Variants in FYB2 observed in about 807,000 individuals in gnomAD.
The protein encoded by FYB2 is FYN binding protein 2, also known as FYN-binding protein 2.
Under a neutral mutation model 94.1 loss-of-function variants are expected in FYB2, and 103 were observed. The ratio of observed to expected loss-of-function variants is 1.09; its 90% confidence interval spans 0.93 to 1.29. FYB2 has a LOEUF of 1.29. FYB2 is among the 50% of genes most tolerant of loss of function. FYB2 has a pLI of 0.00. For missense variants in FYB2, 896 were observed against 841.5 expected, an observed-to-expected ratio of 1.06 and a Z score of -0.80; for synonymous variants, 293 against 287.9, an observed-to-expected ratio of 1.02 and a Z score of -0.18.
At chr1:56,752,443 G>A (rs992157753) in intron 8 of FYB2, among the ~76,000 whole-genome samples, 1 of 152,058 alleles carries the variant, frequency 6.6e-6, no homozygotes, top group African/African-American at 2.4e-5. Flanking sequence ...TAATACATTT[G>A]AAAGTACTTG....
chr1:56,792,654 T>A lies in FYB2; in HGVS notation c.159A>T (p.Lys53Asn). ...GCTGCTTGTGGTTGGATGAGAGGGGTTTCCCATTGGCCAAAATTTGAGTTG... is the reference window on the plus strand; with the variant it reads ...GCTGCTTGTGGTTGGATGAGAGGGGATTCCCATTGGCCAAAATTTGAGTTG... ...TQSTQILANGKPLSSNHKQRT... is the reference protein window; with the variant it reads ...TQSTQILANGNPLSSNHKQRT... Residue 53 changes from lysine (K) to asparagine (N), a missense_variant, in exon 2 of 20, where the codon AAA becomes AAT. By Grantham distance (94) the Lys-to-Asn change is moderately conservative. Coordinates refer to ENST00000343433, the MANE Select transcript of FYB2 (RefSeq NM_001004303.5). 6.2e-7 allele frequency: 1 copy of A among 1,613,932 alleles called. No individual in the cohort carries two copies. Among genetic ancestry groups the A allele is most frequent in the South Asian group, 1.1e-5 (1 of 91,050 alleles).
At chr1:56,741,300 A>G (rs1644947136) in intron 12 of FYB2, among the ~76,000 whole-genome samples, 2 of 152,024 alleles carry the variant, frequency 1.3e-5, no homozygotes, top group Non-Finnish European at 2.9e-5. Flanking sequence ...AGTAATCTCT[A>G]TTTTGCAGAT....
At chr1:56,756,845 T>G (rs1016231979) in intron 6 of FYB2, among the ~76,000 whole-genome samples, 3 of 151,962 alleles carry the variant, frequency 2.0e-5, no homozygotes, top group African/African-American at 4.8e-5. Context: ...TTTGACCACA[T>G]GAAAAACTCA....
At chr1:56,736,424 CTTT>C (rs59242700) in intron 15 of FYB2, among the ~76,000 whole-genome samples, 5 of 119,984 alleles carry the variant, frequency 4.2e-5, no homozygotes, top group East Asian at 2.4e-4. Context: ...TTAAGGATGG[CTTT>C]TTTTTTTTTT....
intron 9 of FYB2, among the ~76,000 whole-genome samples, chr1:56,749,987 T>A (rs946661522): frequency 3.2e-4 from 49 of 152,018 alleles, no homozygotes; most frequent in African/African-American, 1.2e-3. Flanking sequence ...TCCACCATAT[T>A]TTTAGACACT....
chr1:56,775,466 A>T (rs1382466219), intron 4 of FYB2, among the ~76,000 whole-genome samples: 5 of 152,258 alleles, frequency 3.3e-5, no homozygotes, highest in East Asian at 3.9e-4. Flanking sequence ...AAGGCATGTA[A>T]ATCATAATAA....
chr1:56,791,221 G>T (rs890311856), intron 2 of FYB2, among the ~76,000 whole-genome samples: 2 of 151,538 alleles, frequency 1.3e-5, no homozygotes, highest in African/African-American at 4.8e-5. Flanking sequence ...TTTTCTTCTA[G>T]GTGCTAGGGA....
intron 4 of FYB2, among the ~76,000 whole-genome samples, chr1:56,771,587 T>C (rs1053460958): frequency 6.6e-6 from 1 of 152,302 alleles, no homozygotes; most frequent in Middle Eastern, 3.4e-3. Context: ...CCATTTGCTA[T>C]AGATGCAGTT....
At chr1:56,780,718 G>T (rs1645989235) in intron 4 of FYB2, among the ~76,000 whole-genome samples, 1 of 152,118 alleles carries the variant, frequency 6.6e-6, no homozygotes, top group African/African-American at 2.4e-5. Context: ...TTATAGGTGA[G>T]ATTTTTTTTT....
At chr1:56,789,201 G>A (rs1414170894) in intron 2 of FYB2, 67 bp from the exon 3 acceptor site, 4 of 1,501,956 alleles carry the variant, frequency 2.7e-6, no homozygotes, top group African/African-American at 1.4e-5. Flanking sequence ...GGGTAAAACT[G>A]GTTTCCTTGC....
chr1:56,731,307 T>A (rs1477792337), intron 15 of FYB2, among the ~76,000 whole-genome samples: 2 of 152,100 alleles, frequency 1.3e-5, no homozygotes, highest in East Asian at 3.9e-4. Flanking sequence ...TAGTTACCCT[T>A]AGCCTTGATG....
intron 17 of FYB2, 68 bp downstream of exon 17, chr1:56,723,520 A>G (rs1644527058): frequency 1.2e-6 from 1 of 838,840 alleles, no homozygotes; most frequent in Non-Finnish European, 1.8e-6. Flanking sequence ...ATACTTACAG[A>G]TTTTTTTTTT....
At chr1:56,824,692 C>G (rs957753862), upstream of FYB2, 3 of 152,248 alleles carry the variant, frequency 2.0e-5, no homozygotes, top group Non-Finnish European at 4.4e-5. Context: ...CTTTGTCATC[C>G]TGAAAGCAGC....
intron 1 of FYB2, among the ~76,000 whole-genome samples, chr1:56,798,465 A>G (rs1646450283): frequency 6.6e-6 from 1 of 152,170 alleles, no homozygotes; most frequent in African/African-American, 2.4e-5. Context: ...GCCAACAAAA[A>G]CAAAGACATT....
In FYB2 at chr1:56,718,871, C is replaced by T. The variant is rs999912855; in HGVS notation, c.*800G>A. The T allele has an allele frequency of 2.6e-5, 4 of 152,496 alleles. No individual in the cohort carries two copies. Among genetic ancestry groups the T allele is most frequent in the Admixed American group, 6.6e-5 (1 of 15,254 alleles). 9.4% of individuals were successfully genotyped at this position (152,496 alleles called of 1,614,324 possible). ...CTCATTTAAAAAACAGAATAGATGTCAGCTTTTAAATTTTTATTTAATTCC... is the reference window on the plus strand; with the variant it reads ...CTCATTTAAAAAACAGAATAGATGTTAGCTTTTAAATTTTTATTTAATTCC... On this transcript the variant is annotated 3_prime_UTR_variant, in exon 20 of 20. Coordinates refer to ENST00000343433, the MANE Select transcript of FYB2 (RefSeq NM_001004303.5).
At chr1:56,731,561 T>C (rs1644710971) in intron 15 of FYB2, among the ~76,000 whole-genome samples, 1 of 151,998 alleles carries the variant, frequency 6.6e-6, no homozygotes, top group African/African-American at 2.4e-5. Context: ...TCAGCTCAGC[T>C]CATGAATCAC....
chr1:56,809,927 A>C (rs1646728742), intron 1 of FYB2, among the ~76,000 whole-genome samples: 1 of 152,160 alleles, frequency 6.6e-6, no homozygotes. Context: ...GGAATGCCAT[A>C]GACATTAACC....
Position 56,719,692 on chromosome 1 carries a change from C to G in FYB2, c.2166G>C (p.Lys722Asn), listed in dbSNP as rs778942627. ...GYVLIEHLDF[K>N]HQSWSP ...TTTTCTAAGGTGACCAACTTTGATG[C>G]CTGTGAAAAAATAAAAATATGCAAA... Residue 722 changes from lysine (K) to asparagine (N), a missense_variant and splice_region_variant, in exon 20 of 20, where the codon AAG becomes AAC. Physicochemically the swap from Lys to Asn is moderately conservative, Grantham distance 94. Transcript: ENST00000343433. The G allele has an allele frequency of 1.9e-5, 30 of 1,588,398 alleles. No individual in the cohort carries two copies. Among genetic ancestry groups the G allele is most frequent in the Admixed American group, 3.4e-5 (2 of 58,664 alleles).
chr1:56,802,780 C>T (rs1646551752), intron 1 of FYB2, among the ~76,000 whole-genome samples: 1 of 152,140 alleles, frequency 6.6e-6, no homozygotes, highest in Admixed American at 6.5e-5. Context: ...CAGATCATAT[C>T]ACCTTGCACT....
Sources: gnomAD v4.1 joint callset for allele counts (sites outside exome capture counted in the v4.1 genomes callset) on GRCh38, gnomAD v4.1.1 for gene constraint, MANE v1.5 for transcripts, NCBI Gene and HGNC (gene_info 2026-07-23, HGNC 2026-07-21) for gene names.